The following ZNF362 variants were observed in gnomAD, a reference collection of about 807,000 sequenced individuals.
ZNF362 encodes the protein zinc finger protein 362.
Under a neutral mutation model 42.9 loss-of-function variants are expected in ZNF362, and 11 were observed. That is an observed-to-expected ratio of 0.26 (90% CI 0.16 to 0.42). The LOEUF (loss-of-function observed/expected upper bound fraction) is 0.42, where lower values mean the gene tolerates loss of function less well. ZNF362 is among the 20% of genes least tolerant of loss of function. The probability of loss-of-function intolerance (pLI) is 1.00; values close to 1 mark genes in which losing one functional copy is unlikely to be tolerated. For synonymous variants in ZNF362, 255 were observed against 257.3 expected, an observed-to-expected ratio of 0.99 and a Z score of 0.09; for missense variants, 362 against 576.2, an observed-to-expected ratio of 0.63 and a Z score of 3.81.
chr1:33,288,765 A>AAAAAAAAAAAAAAAAAAACAG (rs1646051958), intron 6 of ZNF362, among the ~76,000 whole-genome samples: 1 of 133,618 alleles, frequency 7.5e-6, no homozygotes, highest in Non-Finnish European at 1.7e-5. Context: ...AAAAAAAAGA[A>AAAAAAAAAAAAAAAAAAACAG]GCGTGACCAC....
At position 33,256,669 on chromosome 1, in the gene ZNF362, G is replaced by C. The variant is rs1371041605; in HGVS notation, c.-89+15G>C. On this transcript the variant is annotated intron_variant, in intron 1 of 8. Transcript: ENST00000539719. Reference sequence around the variant, plus strand: ...AGCACAGCCAGGTCCGTGCGGGCCCGGGGCGCGCGGGGAGCGGGCCCAGCG... The same window carrying C: ...AGCACAGCCAGGTCCGTGCGGGCCCCGGGCGCGCGGGGAGCGGGCCCAGCG... The C allele has an allele frequency of 1.4e-5, 2 of 145,598 alleles. No individual in the cohort carries two copies. The highest frequency in any genetic ancestry group is 4.9e-5 in the African/African-American group (2 of 40,618). 9.0% of individuals were successfully genotyped at this position (145,598 alleles called of 1,614,324 possible). A position where few individuals can be genotyped will look rare whatever the true frequency, so the allele number is the denominator to read the frequency against.
the ZNF362 span, among the ~76,000 whole-genome samples, chr1:33,136,467 C>T: frequency 6.6e-6 from 1 of 151,804 alleles, no homozygotes; most frequent in East Asian, 2.0e-4. Flanking sequence ...CTCCCAGGCT[C>T]AAGCAATTCT....
chr1:33,144,397 C>A, the ZNF362 span, among the ~76,000 whole-genome samples: 17 of 152,196 alleles, frequency 1.1e-4, no homozygotes, highest in African/African-American at 4.1e-4. Context: ...CTTGGCCTCC[C>A]AAAGTGTTGG....
chr1:33,258,889 G>A (rs1435446577), intron 1 of ZNF362, among the ~76,000 whole-genome samples: 1 of 152,220 alleles, frequency 6.6e-6, no homozygotes, highest in Non-Finnish European at 1.5e-5. Context: ...ACTCAGAGAG[G>A]TTGAACAGTG....
In ZNF362 at chr1:33,286,334, G is replaced by T. The variant is rs547697075; in HGVS notation, c.908+4523G>T. Among the ~76,000 whole-genome samples the T allele has an allele frequency of 6.7e-5, 10 of 148,876 alleles. No individual in the cohort carries two copies. The South Asian group carries it at 1.7e-3, about 25-fold the overall frequency. ...AGTGATAATAATGATGAAGAATTCT[G>T]TTTTTTTTTTCCAAGAAGTAGACTT... On this transcript the variant is annotated intron_variant, in intron 6 of 8. Coordinates refer to ENST00000539719, the MANE Select transcript of ZNF362 (RefSeq NM_152493.3).
chr1:33,130,207 G>C, the ZNF362 span, among the ~76,000 whole-genome samples: 1 of 152,168 alleles, frequency 6.6e-6, no homozygotes, highest in Non-Finnish European at 1.5e-5. Context: ...AAGAGGATGC[G>C]GTAGGCAGTC....
chr1:33,209,386 T>A, the ZNF362 span, among the ~76,000 whole-genome samples: 3 of 152,174 alleles, frequency 2.0e-5, no homozygotes, highest in Non-Finnish European at 4.4e-5. Flanking sequence ...ATTCTCTTTT[T>A]TTGTTGTTGT....
chr1:33,215,551 A>G, the ZNF362 span, among the ~76,000 whole-genome samples: 1 of 152,220 alleles, frequency 6.6e-6, no homozygotes, highest in African/African-American at 2.4e-5. Context: ...TAAATGCTCG[A>G]GGCAATGGAT....
the ZNF362 span, among the ~76,000 whole-genome samples, chr1:33,219,054 A>C: frequency 6.6e-6 from 1 of 151,836 alleles, no homozygotes; most frequent in Non-Finnish European, 1.5e-5. Context: ...CTGACCCTTA[A>C]GGGCCCCAAA....
the ZNF362 span, chr1:33,159,685 T>C: frequency 6.2e-7 from 1 of 1,603,822 alleles, no homozygotes; most frequent in Non-Finnish European, 8.5e-7. This position sits in a 1 kb window ranked among gnomAD's most constrained non-coding sequence, Gnocchi z 4.2. Context: ...GGGTGGCACT[T>C]ACCGCTCGGA....
the ZNF362 span, among the ~76,000 whole-genome samples, chr1:33,189,529 T>G: frequency 6.6e-6 from 1 of 150,824 alleles, no homozygotes; most frequent in Admixed American, 6.6e-5. Context: ...CATCGTTTAT[T>G]GTAACTCTTG....
the ZNF362 span, among the ~76,000 whole-genome samples, chr1:33,153,849 G>T: frequency 6.6e-5 from 10 of 152,282 alleles, no homozygotes; most frequent in African/African-American, 2.4e-4. Flanking sequence ...TGCATTTATC[G>T]ACAAACATTT....
the ZNF362 span, among the ~76,000 whole-genome samples, chr1:33,180,764 G>T: frequency 6.6e-6 from 1 of 152,078 alleles, no homozygotes; most frequent in Non-Finnish European, 1.5e-5. Context: ...CCCTAACCGC[G>T]GACCAGCCGG....
At chr1:33,292,250 CTAAT>C (rs778412675) in intron 6 of ZNF362, among the ~76,000 whole-genome samples, 25 of 152,288 alleles carry the variant, frequency 1.6e-4, no homozygotes, top group Non-Finnish European at 3.2e-4. Flanking sequence ...CCATCAATAC[CTAAT>C]TAATTGAGAG....
At chr1:33,185,577 A>G in the ZNF362 span, among the ~76,000 whole-genome samples, 1 of 152,184 alleles carries the variant, frequency 6.6e-6, no homozygotes, top group Non-Finnish European at 1.5e-5. Context: ...TCCTCTGAGC[A>G]GTTCTTCTCT....
At chr1:33,230,941 G>A in the ZNF362 span, among the ~76,000 whole-genome samples, 1 of 152,174 alleles carries the variant, frequency 6.6e-6, no homozygotes, top group African/African-American at 2.4e-5. Context: ...TTATTATTAA[G>A]GTATCAACAA....
the ZNF362 span, among the ~76,000 whole-genome samples, chr1:33,238,381 T>TAAATAAATA: frequency 2.8e-5 from 3 of 105,538 alleles, no homozygotes; most frequent in South Asian, 6.2e-4. Context: ...TAAAATAAAA[T>TAAATAAATA]AAATAAAATA....
At chr1:33,226,200 T>G in the ZNF362 span, among the ~76,000 whole-genome samples, 1 of 152,174 alleles carries the variant, frequency 6.6e-6, no homozygotes, top group Non-Finnish European at 1.5e-5. Flanking sequence ...CTTCACAGCC[T>G]TGAGCTCATT....
At chr1:33,170,822 C>G in the ZNF362 span, among the ~76,000 whole-genome samples, 1 of 152,146 alleles carries the variant, frequency 6.6e-6, no homozygotes, top group African/African-American at 2.4e-5. Flanking sequence ...GCCCCAGTGC[C>G]TTGTCTGAAA....
Sources: allele counts gnomAD v4.1 joint callset (sites outside exome capture counted in the v4.1 genomes callset), GRCh38; gene constraint gnomAD v4.1.1; non-coding constraint Gnocchi (gnomAD v3.1); transcripts MANE v1.5; gene names NCBI Gene and HGNC (gene_info 2026-07-23, HGNC 2026-07-21).